Variants in KLHL31 observed in about 807,000 individuals in gnomAD.
KLHL31 encodes kelch-like protein 31.
Under a neutral mutation model 47.1 loss-of-function variants are expected in KLHL31, and 32 were observed. The ratio of observed to expected loss-of-function variants is 0.68; its 90% CI spans 0.51 to 0.91. The LOEUF is 0.91. Among genes scored for constraint, KLHL31 ranks in the 40% least tolerant of loss-of-function variants. The probability of loss-of-function intolerance (pLI) is 0.00; values close to 1 mark genes in which losing one functional copy is unlikely to be tolerated. For synonymous variants in KLHL31, 330 were observed against 325.1 expected (o/e 1.01, Z -0.16); for missense variants, 797 against 819.3 (o/e 0.97, Z 0.33).
rs1418301304 is a variant in KLHL31, at chr6:53,648,450, C to CA, written c.*3147dup. ...GAAGACACTTGGCCAGGATAACCAGCAAAAAAATAAAATTAAAAAATTGAC... is the reference window on the plus strand; with the variant it reads ...GAAGACACTTGGCCAGGATAACCAGCAAAAAAAATAAAATTAAAAAATTGAC... On this transcript the variant is annotated 3_prime_UTR_variant, in exon 3 of 3. Transcript: ENST00000370905. 11 of 151,884 alleles carry CA rather than the reference C, an allele frequency of 7.2e-5. No individual in the cohort carries two copies. Among genetic ancestry groups the CA allele is most frequent in the Non-Finnish European group, 1.5e-4 (10 of 67,934 alleles). The allele number at this position is 151,884 out of a possible 1,614,324, so 9.4% of individuals were successfully genotyped here. A position where few individuals can be genotyped will look rare whatever the true frequency, so the allele number is the denominator to read the frequency against.
chr6:53,655,609 CTTTTTTTT>C (rs11358787), intron 1 of KLHL31, among the ~76,000 whole-genome samples: 1 of 114,262 alleles, frequency 8.8e-6, no homozygotes, highest in Non-Finnish European at 1.9e-5. Context: ...TTCTTTTTTT[CTTTTTTTT>C]TTTTTTTGAG....
At position 53,650,822 on chromosome 6, in the gene KLHL31, A is replaced by C. The variant is rs1260463457; in HGVS notation, c.*776T>G. The C allele has an allele frequency of 6.6e-6, 1 of 152,156 alleles. No individual in the cohort carries two copies. The highest frequency in any genetic ancestry group is 1.5e-5 in the Non-Finnish European group (1 of 68,028). 9.4% of individuals were successfully genotyped at this position (152,156 alleles called of 1,614,324 possible). ...AATGCAAATCCTTCTAGTTGAAACA[A>C]CCAAATGACTTAAATTTATGCTATA... On this transcript the variant is annotated 3_prime_UTR_variant, in exon 3 of 3. Coordinates refer to ENST00000370905, the MANE Select transcript of KLHL31 (RefSeq NM_001003760.5).
intron 1 of KLHL31, among the ~76,000 whole-genome samples, chr6:53,656,419 C>A (rs1764561155): frequency 6.6e-6 from 1 of 151,836 alleles, no homozygotes; most frequent in Non-Finnish European, 1.5e-5. Flanking sequence ...AAAAGAAATT[C>A]AGTGGAATAA....
At chr6:53,657,114 T>TG (rs1038804227) in intron 1 of KLHL31, among the ~76,000 whole-genome samples, 2 of 151,924 alleles carry the variant, frequency 1.3e-5, no homozygotes, top group African/African-American at 4.8e-5. Context: ...CTTTTTTGTA[T>TG]TTTTTGAAAA....
Position 53,654,320 on chromosome 6 carries a change from A to T in KLHL31, c.953T>A (p.Leu318His). 1 of 1,614,206 alleles carries T rather than the reference A, an allele frequency of 6.2e-7. No homozygotes were observed. The highest frequency in any genetic ancestry group is 8.5e-7 in the Non-Finnish European group (1 of 1,180,024). The change falls in exon 2 of 3, where the codon CTC becomes CAC. Residue 318 changes from leucine (L) to histidine (H), a missense_variant. By Grantham distance (99) the Leu-to-His change is moderately conservative. Coordinates refer to ENST00000370905, the MANE Select transcript of KLHL31 (RefSeq NM_001003760.5). ...RTRIRGGCRV[L>H]VTVGGRPGLT... ...GCCTGGGCGTCCCCCAACAGTGACG[A>T]GGACTCGGCAGCCACCTCGGATTCT... is the stretch of plus-strand genomic sequence containing the variant.
At chr6:53,655,578 C>A (rs190312724) in intron 1 of KLHL31, among the ~76,000 whole-genome samples, 87 of 150,856 alleles carry the variant, frequency 5.8e-4, no homozygotes, top group Non-Finnish European at 1.1e-3. Context: ...AAAAAGTGAC[C>A]ACATTTTCTT....
chr6:53,651,631 G>C lies in KLHL31; in HGVS notation c.1872C>G (p.Ala624=). ...TGACTGGCACAGAAGATACCGAACTGGCCCGGGATTCCCGAGTCACGTTGT... is the reference window on the plus strand; with the variant it reads ...TGACTGGCACAGAAGATACCGAACTCGCCCGGGATTCCCGAGTCACGTTGT... ...MPNNVTRESR[A]SSVSSVPVSI The change falls in exon 3 of 3, where the codon GCC becomes GCG. Residue 624 remains alanine, a synonymous_variant. Transcript: ENST00000370905. 2 of 1,614,068 alleles carry C rather than the reference G, an allele frequency of 1.2e-6. No individual in the cohort carries two copies. Among genetic ancestry groups the C allele is most frequent in the South Asian group, 2.2e-5 (2 of 91,084 alleles).
Position 53,654,363 on chromosome 6 carries a change from A to G in KLHL31, c.910T>C (p.Leu304=), listed in dbSNP as rs1764522204. 1 of 1,614,192 alleles carries G rather than the reference A, an allele frequency of 6.2e-7. No individual in the cohort carries two copies. Among genetic ancestry groups the G allele is most frequent in the Non-Finnish European group, 8.5e-7 (1 of 1,180,036 alleles). Residue 304 remains leucine, a synonymous_variant, in exon 2 of 3, where the codon TTG becomes CTG. Transcript: ENST00000370905. ...CGGATTCTTGTTCGCCTAGATTGCAATGTGTTTTGATGATATGGAAGCAAG... is the reference window on the plus strand; with the variant it reads ...CGGATTCTTGTTCGCCTAGATTGCAGTGTGTTTTGATGATATGGAAGCAAG... ...YHLLPYHQNT[L]QSRRTRIRGG... is the part of the protein sequence containing the mutation.
Position 53,655,315 on chromosome 6 carries a change from G to GAA in KLHL31, c.-33-12_-33-11dup. On this transcript the variant is annotated splice_polypyrimidine_tract_variant and intron_variant, in intron 1 of 2. Coordinates refer to ENST00000370905, the MANE Select transcript of KLHL31 (RefSeq NM_001003760.5). Reference sequence around the variant, plus strand: ...TACAGGCAAGAGCTTGCTAAAAAGAGAAAAAAAAAAACATGGTTTTGTTTT... The same window carrying GAA: ...TACAGGCAAGAGCTTGCTAAAAAGAGAAAAAAAAAAAAACATGGTTTTGTTTT... 13 of 1,255,530 alleles carry GAA rather than the reference G, an allele frequency of 1.0e-5. No individual in the cohort carries two copies. Among genetic ancestry groups the GAA allele is most frequent in the South Asian group, 1.7e-5 (1 of 57,312 alleles). The allele number at this position is 1,255,530 out of a possible 1,614,324, so 77.8% of individuals were successfully genotyped here. A position where few individuals can be genotyped will look rare whatever the true frequency, so the allele number is the denominator to read the frequency against.
At position 53,652,378 on chromosome 6, in the gene KLHL31, G is replaced by A. The variant is rs201251436; in HGVS notation, c.1173-48C>T. 141 of 1,605,512 alleles carry A rather than the reference G, an allele frequency of 8.8e-5. 1 individual carries two copies. Among genetic ancestry groups the A allele is most frequent in the Non-Finnish European group, 1.1e-4 (130 of 1,179,534 alleles). The stretch of plus-strand genomic sequence containing the variant: ...AACAGCTTTGTCGGCGGCAGCTGGG[G>A]ACCCCATGTTACTTTGCAAATCATG... On this transcript the variant is annotated intron_variant, in intron 2 of 2. Transcript: ENST00000370905.
In KLHL31 at chr6:53,651,104, T is replaced by C. The variant is rs1353140219; in HGVS notation, c.*494A>G. On this transcript the variant is annotated 3_prime_UTR_variant, in exon 3 of 3. Transcript: ENST00000370905. ...TTGCGTTGAAATACAGAATTAAATCTTAAGTCTTTATGGAGATCGACAATT... is the reference window on the plus strand; with the variant it reads ...TTGCGTTGAAATACAGAATTAAATCCTAAGTCTTTATGGAGATCGACAATT... 2 of 152,344 alleles carry C rather than the reference T, an allele frequency of 1.3e-5. No individual in the cohort carries two copies. The highest frequency in any genetic ancestry group is 2.9e-5 in the Non-Finnish European group (2 of 68,168). 9.4% of individuals were successfully genotyped at this position (152,344 alleles called of 1,614,324 possible).
rs528932137 is a variant in KLHL31 at position 53,648,766 on chromosome 6, C to A, written c.*2832G>T. The stretch of plus-strand genomic sequence containing the variant: ...AAAGCAACTAATGCATCAGGGATGA[C>A]AACTTGGCACCAAGAACCTAACTAA... On this transcript the variant is annotated 3_prime_UTR_variant, in exon 3 of 3. Coordinates refer to ENST00000370905, the MANE Select transcript of KLHL31 (RefSeq NM_001003760.5). 8 of 152,274 alleles carry A rather than the reference C, an allele frequency of 5.3e-5. No homozygotes were observed. The East Asian group carries it at 1.2e-3, about 22-fold the overall frequency. 9.4% of individuals were successfully genotyped at this position (152,274 alleles called of 1,614,324 possible).
At chr6:53,654,000 G>A (rs1764515121) in intron 2 of KLHL31, 101 bp downstream of exon 2, 1 of 942,092 alleles carries the variant, frequency 1.1e-6, no homozygotes, top group Non-Finnish European at 1.6e-6. Context: ...GATTTACTAA[G>A]CCAATGGACT....
At position 53,649,884 on chromosome 6, in the gene KLHL31, C is replaced by T. The variant is rs1195443232; in HGVS notation, c.*1714G>A. On this transcript the variant is annotated 3_prime_UTR_variant, in exon 3 of 3. Transcript: ENST00000370905. Reference sequence around the variant, plus strand: ...TGTGGGATAAGGAAACAGCCCAGCGCTTTTACATTAATAATATCTTGTTCT... The same window carrying T: ...TGTGGGATAAGGAAACAGCCCAGCGTTTTTACATTAATAATATCTTGTTCT... The T allele has an allele frequency of 6.6e-6, 1 of 152,148 alleles. No individual in the cohort carries two copies. Among genetic ancestry groups the T allele is most frequent in the East Asian group, 1.9e-4 (1 of 5,196 alleles). 9.4% of individuals were successfully genotyped at this position (152,148 alleles called of 1,614,324 possible).
At chr6:53,656,336 T>C (rs1764560453) in intron 1 of KLHL31, among the ~76,000 whole-genome samples, 1 of 152,134 alleles carries the variant, frequency 6.6e-6, no homozygotes, top group African/African-American at 2.4e-5. Flanking sequence ...CATCTAGGAA[T>C]TTTGTTTAAA....
Position 53,648,286 on chromosome 6 carries a change from C to T in KLHL31, c.*3312G>A, listed in dbSNP as rs1764421810. The T allele has an allele frequency of 6.6e-6, 1 of 152,016 alleles. No individual in the cohort carries two copies. The highest frequency in any genetic ancestry group is 6.6e-5 in the Admixed American group (1 of 15,258). The allele number at this position is 152,016 out of a possible 1,614,324, so 9.4% of individuals were successfully genotyped here. On this transcript the variant is annotated 3_prime_UTR_variant, in exon 3 of 3. Transcript: ENST00000370905. ...TATTTCCTTTTAATGCTGCCTTGTG[C>T]TGGAGAACATATTCATCAGCGGCTG... is the stretch of plus-strand genomic sequence containing the variant.
rs1764453059 is a variant in KLHL31, at chr6:53,650,878, G to C, written c.*720C>G. 1.3e-5 allele frequency: 2 copies of C among 152,250 alleles called. No individual in the cohort carries two copies. The highest frequency in any genetic ancestry group is 1.3e-4 in the Admixed American group (2 of 15,290). 9.4% of individuals were successfully genotyped at this position (152,250 alleles called of 1,614,324 possible). ...AATGATTCATATCAATTACTTCATT[G>C]AGAGCATGATTTTATGGTAGAAAAT... On this transcript the variant is annotated 3_prime_UTR_variant, in exon 3 of 3. Coordinates refer to ENST00000370905, the MANE Select transcript of KLHL31 (RefSeq NM_001003760.5).
At chr6:53,654,040 A>G (rs1764515528) in intron 2 of KLHL31, 61 bp downstream of exon 2, 1 of 1,371,370 alleles carries the variant, frequency 7.3e-7, no homozygotes, top group East Asian at 2.3e-5. Flanking sequence ...ATTTACTTCT[A>G]TGTTAGGGCT....
Position 53,648,519 on chromosome 6 carries a change from T to C in KLHL31, c.*3079A>G, listed in dbSNP as rs1431808730. ...TTCCAGGTAAACCTCTATTTACATG[T>C]GTATTTGTAAAATACACTTACTACA... On this transcript the variant is annotated 3_prime_UTR_variant, in exon 3 of 3. Transcript: ENST00000370905. 2.6e-5 allele frequency: 4 copies of C among 152,234 alleles called. No individual in the cohort carries two copies. Among genetic ancestry groups the C allele is most frequent in the Middle Eastern group, 3.2e-3 (1 of 316 alleles). The allele number at this position is 152,234 out of a possible 1,614,324, so 9.4% of individuals were successfully genotyped here.
Sources: allele counts gnomAD v4.1 joint callset (sites outside exome capture counted in the v4.1 genomes callset), GRCh38; gene constraint gnomAD v4.1.1; transcripts MANE v1.5; gene names NCBI Gene and HGNC (gene_info 2026-07-23, HGNC 2026-07-21).